Variants in TARS2 observed in about 807,000 individuals in gnomAD.
TARS2 encodes threonine--tRNA ligase, mitochondrial.
In TARS2, 61 loss-of-function variants were observed where a neutral mutation model predicts 94.4. That is an observed-to-expected ratio of 0.65 (90% CI 0.53 to 0.80). The LOEUF (loss-of-function observed/expected upper bound fraction) is 0.80. Among genes scored for constraint, TARS2 ranks in the 30% least tolerant of loss-of-function variants. The pLI, the probability that TARS2 is intolerant of heterozygous loss-of-function variation, is 0.00. For missense variants in TARS2, 704 were observed against 902.5 expected (o/e 0.78, Z 2.82); for synonymous variants, 359 against 353.4 (o/e 1.02, Z -0.18).
chr1:150,491,779 G>A, intron 6 of TARS2, 117 bp downstream of exon 6: 1 of 1,139,940 alleles, frequency 8.8e-7, no homozygotes, highest in Non-Finnish European at 1.3e-6. Context: ...AAAAGAAATG[G>A]GAATGGGAAT....
chr1:150,504,031 C>G (rs774940273), intron 13 of TARS2, among the ~76,000 whole-genome samples: 6 of 151,892 alleles, frequency 4.0e-5, no homozygotes, highest in Admixed American at 3.3e-4. Flanking sequence ...AAGGGTGTAG[C>G]CATAGATGGG....
intron 8 of TARS2, 44 bp downstream of exon 8, chr1:150,496,672 G>A (rs1240511969): frequency 6.2e-7 from 1 of 1,602,628 alleles, no homozygotes; most frequent in Admixed American, 1.7e-5. Context: ...ATAAGGGTTG[G>A]AGAGAGATGA....
intron 13 of TARS2, among the ~76,000 whole-genome samples, chr1:150,503,621 GTGTGTATATA>G (rs775929984): frequency 0.066 from 8,734 of 132,946 alleles, 444 homozygotes; most frequent in Non-Finnish European, 0.092. Context: ...ATATATATGT[GTGTGTATATA>G]TGTGTGTGTA....
At chr1:150,503,613 A>G (rs375794221) in intron 13 of TARS2, among the ~76,000 whole-genome samples, 4 of 89,222 alleles carry the variant, frequency 4.5e-5, no homozygotes, top group Non-Finnish European at 5.0e-5. Context: ...ATGTGTGTAT[A>G]TATATGTGTG....
rs763543771 is a variant in TARS2, at chr1:150,506,964, G to A, written c.2057G>A (p.Arg686Gln). 16 of 1,614,036 alleles carry A rather than the reference G, an allele frequency of 9.9e-6. No individual in the cohort carries two copies. Among genetic ancestry groups the A allele is most frequent in the East Asian group, 2.2e-5 (1 of 44,884 alleles). The change falls in exon 18 of 18, where the codon CGA becomes CAA. Residue 686 changes from arginine to glutamine, a missense_variant. Coordinates refer to ENST00000369064, the MANE Select transcript of TARS2 (RefSeq NM_025150.5). ...QSKRTVNIRTRDNRRLGEWDL... is the reference protein window; with the variant it reads ...QSKRTVNIRTQDNRRLGEWDL... ...AAGAGAACAGTGAACATTCGGACTC[G>A]AGATAATCGTCGCCTTGGGGAGTGG...
In TARS2 at chr1:150,491,396, CA is replaced by C; in HGVS notation, c.517del (p.Ile173SerfsTer26). 1.2e-6 allele frequency: 2 copies of C among 1,612,674 alleles called. No homozygotes were observed. The highest frequency in any genetic ancestry group is 8.5e-7 in the Non-Finnish European group (1 of 1,180,012). ...YHDFFLGKER[T>X]IRGSELPVLE... ...CCAACCAATTCTCCTCTTTCCAGGA[CA>C]ATCCGGGGCTCAGAGCTGCCTGTTT... On this transcript the variant is annotated frameshift_variant, in exon 5 of 18. Transcript: ENST00000369064. LOFTEE classifies it high-confidence loss of function.
chr1:150,487,664 T>C, intron 1 of TARS2, 148 bp downstream of exon 1: 1 of 1,294,914 alleles, frequency 7.7e-7, no homozygotes, highest in Non-Finnish European at 1.1e-6. Context: ...AAACTCGTTA[T>C]CTAATTCTCG....
chr1:150,498,080 G>A (rs587634604), intron 10 of TARS2, among the ~76,000 whole-genome samples: 2 of 143,778 alleles, frequency 1.4e-5, no homozygotes, highest in Admixed American at 7.1e-5. Context: ...GTGACACAGC[G>A]AGACTCCATC....
Position 150,497,700 on chromosome 1 carries a change from T to C in TARS2, c.1191T>C (p.His397=). The C allele has an allele frequency of 6.2e-7, 1 of 1,614,128 alleles. No homozygotes were observed. The highest frequency in any genetic ancestry group is 8.5e-7 in the Non-Finnish European group (1 of 1,180,036). ...CCCAGAGTGACGATTCTACCAGGCA[T>C]ATCACAGATACACTCGCCCTCAAGC... is the stretch of plus-strand genomic sequence containing the variant. The part of the protein sequence containing the change: ...PSSQSDDSTR[H]ITDTLALKPM... Residue 397 remains histidine, a synonymous_variant, in exon 10 of 18, where the codon CAT becomes CAC. Transcript: ENST00000369064.
intron 13 of TARS2, among the ~76,000 whole-genome samples, chr1:150,501,302 ATTT>A (rs869271907): frequency 3.1e-5 from 1 of 32,062 alleles, no homozygotes; most frequent in Non-Finnish European, 7.4e-5. Context: ...ACAAAAAAAA[ATTT>A]TTTTTTTTTT....
rs1560262024 is a variant in TARS2, at chr1:150,507,112, C to T, written c.*48C>T. ...AAAACCTGCGAGTGCCATCAGCCTCCCTCACATGGGAGACCCCAACCCAGC... is the reference window on the plus strand; with the variant it reads ...AAAACCTGCGAGTGCCATCAGCCTCTCTCACATGGGAGACCCCAACCCAGC... On this transcript the variant is annotated 3_prime_UTR_variant, in exon 18 of 18. Coordinates refer to ENST00000369064, the MANE Select transcript of TARS2 (RefSeq NM_025150.5). The T allele has an allele frequency of 6.2e-7, 1 of 1,608,226 alleles. No homozygotes were observed.
chr1:150,493,536 C>A (rs1477848869), intron 7 of TARS2, among the ~76,000 whole-genome samples: 1 of 148,810 alleles, frequency 6.7e-6, no homozygotes, highest in Admixed American at 6.7e-5. Flanking sequence ...GGTGGACCAC[C>A]TGAGGTCGGG....
intron 3 of TARS2, among the ~76,000 whole-genome samples, chr1:150,490,028 G>A (rs1373154681): frequency 1.3e-5 from 2 of 151,630 alleles, no homozygotes; most frequent in African/African-American, 2.4e-5. Flanking sequence ...TTGGAACTGG[G>A]AAGAACCAAG....
At chr1:150,500,523 T>C (rs587749470) in intron 13 of TARS2, among the ~76,000 whole-genome samples, 1 of 152,070 alleles carries the variant, frequency 6.6e-6, no homozygotes, top group East Asian at 1.9e-4. Flanking sequence ...ACCTGGGAAG[T>C]TGCAGTGAGC....
rs1478064730 is a variant in TARS2 at position 150,495,598 on chromosome 1, G to A, written c.775-884G>A. 3.3e-5 allele frequency among the ~76,000 whole-genome samples: 5 copies of A among 149,766 alleles called. No individual in the cohort carries two copies. In the South Asian group the frequency reaches 8.6e-4, roughly 26 times the overall value. On this transcript the variant is annotated intron_variant, in intron 7 of 17. Coordinates refer to ENST00000369064, the MANE Select transcript of TARS2 (RefSeq NM_025150.5). Reference sequence around the variant, plus strand: ...TTTAGTACAGACAAGGTTTCACCATGTTGGTCAGGCTGGTCTTGAACTCTT... The same window carrying A: ...TTTAGTACAGACAAGGTTTCACCATATTGGTCAGGCTGGTCTTGAACTCTT...
chr1:150,496,413 T>C, intron 7 of TARS2, 69 bp from the exon 8 acceptor site: 1 of 1,522,862 alleles, frequency 6.6e-7, no homozygotes, highest in Non-Finnish European at 8.8e-7. Context: ...GAGAGTATCA[T>C]TTGAGTCTTG....
intron 13 of TARS2, among the ~76,000 whole-genome samples, chr1:150,500,425 A>G (rs1439708442): frequency 7.8e-6 from 1 of 128,228 alleles, no homozygotes; most frequent in Non-Finnish European, 1.9e-5. Flanking sequence ...CCCCATCTCT[A>G]CTAAAAATAT....
Position 150,507,122 on chromosome 1 carries a change from G to A in TARS2, c.*58G>A. The stretch of plus-strand genomic sequence containing the variant: ...AGTGCCATCAGCCTCCCTCACATGG[G>A]AGACCCCAACCCAGCTGACAATGTG... On this transcript the variant is annotated 3_prime_UTR_variant, in exon 18 of 18. Coordinates refer to ENST00000369064, the MANE Select transcript of TARS2 (RefSeq NM_025150.5). 6.2e-7 allele frequency: 1 copy of A among 1,603,694 alleles called. No homozygotes were observed. The highest frequency in any genetic ancestry group is 8.5e-7 in the Non-Finnish European group (1 of 1,174,140).
chr1:150,487,666 TA>T, intron 1 of TARS2, 150 bp downstream of exon 1: 1 of 1,298,718 alleles, frequency 7.7e-7, no homozygotes, highest in Non-Finnish European at 1.1e-6. Flanking sequence ...ACTCGTTATC[TA>T]ATTCTCGAGT....
Sources: allele counts gnomAD v4.1 joint callset (sites outside exome capture counted in the v4.1 genomes callset), GRCh38; gene constraint gnomAD v4.1.1; transcripts MANE v1.5; gene names NCBI Gene and HGNC (gene_info 2026-07-23, HGNC 2026-07-21).